ZNF827: variants seen among roughly 807,000 people sequenced by gnomAD.
ZNF827 encodes the protein zinc finger protein 827.
A neutral mutation model predicts 102.4 loss-of-function variants in ZNF827; 13 were observed. That is an observed-to-expected ratio of 0.13 (90% confidence interval 0.08 to 0.20). The LOEUF is 0.20. Ranked by LOEUF, ZNF827 falls within the 10% of genes least tolerant of loss-of-function variation. The pLI is 1.00. For missense variants in ZNF827, 1,103 were observed against 1,344.4 expected (o/e 0.82, Z 2.81); for synonymous variants, 523 against 536.2 (o/e 0.98, Z 0.34).
intron 1 of ZNF827, among the ~76,000 whole-genome samples, chr4:145,911,053 C>T (rs1752249276): frequency 1.3e-5 from 2 of 152,258 alleles, no homozygotes; most frequent in Admixed American, 6.5e-5. Context: ...ATAAAGGTAA[C>T]ATCTGTCAGT....
intron 1 of ZNF827, among the ~76,000 whole-genome samples, chr4:145,906,741 A>G (rs189749218): frequency 6.6e-6 from 1 of 152,346 alleles, no homozygotes; most frequent in East Asian, 1.9e-4. Flanking sequence ...CAAAATAAAC[A>G]AGTGAATAAA....
At chr4:145,887,945 A>G (rs1312948690) in intron 3 of ZNF827, among the ~76,000 whole-genome samples, 1 of 152,178 alleles carries the variant, frequency 6.6e-6, no homozygotes, top group East Asian at 1.9e-4. Context: ...CTGACCCAGG[A>G]GAGGAGGGGA....
intron 8 of ZNF827, among the ~76,000 whole-genome samples, chr4:145,805,835 A>G (rs1741376844): frequency 6.6e-6 from 1 of 151,834 alleles, no homozygotes; most frequent in Non-Finnish European, 1.5e-5. Context: ...CTCCCTTTAC[A>G]TGAACTTTCT....
chr4:145,835,914 C>G (rs1744790167), intron 7 of ZNF827, among the ~76,000 whole-genome samples: 1 of 151,612 alleles, frequency 6.6e-6, no homozygotes, highest in African/African-American at 2.4e-5. Flanking sequence ...ATTGTTTTGC[C>G]TATCCACCCC....
intron 5 of ZNF827, among the ~76,000 whole-genome samples, chr4:145,850,262 G>A (rs1048477469): frequency 3.9e-5 from 6 of 151,988 alleles, no homozygotes; most frequent in African/African-American, 1.5e-4. Context: ...TGCCCACTTC[G>A]GCCTCCAAAA....
rs559942657 is a variant in ZNF827 at position 145,837,391 on chromosome 4, C to T, written c.2279+8565G>A. 7.6e-3 allele frequency among the ~76,000 whole-genome samples: 1,156 copies of T among 152,232 alleles called. 9 individuals are homozygous for T. The highest frequency in any genetic ancestry group is 0.026 in the African/African-American group (1,083 of 41,506). ...CCTCAGAATGCTACAGGGTACAGCC[C>T]ATTTAAGCTCCTGTATAGACGCTCC... On this transcript the variant is annotated intron_variant, in intron 7 of 14. Coordinates refer to ENST00000508784, the MANE Select transcript of ZNF827 (RefSeq NM_001306215.2).
intron 5 of ZNF827, among the ~76,000 whole-genome samples, chr4:145,856,493 G>A (rs959186920): frequency 8.5e-5 from 13 of 152,160 alleles, no homozygotes; most frequent in African/African-American, 2.9e-4. Flanking sequence ...GGCGATGCAA[G>A]CCTGCTCCCA....
Position 145,843,309 on chromosome 4 carries a change from C to G in ZNF827, c.2279+2647G>C, listed in dbSNP as rs17020689. ...CTGATTTCTAAACACCATATCATGC[C>G]GGGAGCTCACAGGAAGAACCTCTTC... On this transcript the variant is annotated intron_variant, in intron 7 of 14. Coordinates refer to ENST00000508784, the MANE Select transcript of ZNF827 (RefSeq NM_001306215.2). Among the ~76,000 whole-genome samples the G allele has an allele frequency of 2.6e-5, 4 of 151,878 alleles. No individual in the cohort carries two copies. In the East Asian group the frequency reaches 7.7e-4, roughly 29 times the overall value.
At chr4:145,872,996 C>G (rs1022452809) in intron 4 of ZNF827, among the ~76,000 whole-genome samples, 1 of 140,898 alleles carries the variant, frequency 7.1e-6, no homozygotes, top group African/African-American at 2.7e-5. Flanking sequence ...AGTGCAGTGG[C>G]ACAATCTCGG....
intron 4 of ZNF827, among the ~76,000 whole-genome samples, chr4:145,874,009 TAAGA>T (rs1748932611): frequency 6.6e-6 from 1 of 150,540 alleles, no homozygotes; most frequent in Non-Finnish European, 1.5e-5. Context: ...AAGATGAAGC[TAAGA>T]AAGAGATGAA....
intron 7 of ZNF827, among the ~76,000 whole-genome samples, chr4:145,844,497 T>C (rs62345829): frequency 0.036 from 5,518 of 151,388 alleles, 153 homozygotes; most frequent in Non-Finnish European, 0.052. Context: ...CTGGGCAACA[T>C]GGCGAAACCC....
At chr4:145,782,516 T>C (rs1738236602) in intron 8 of ZNF827, among the ~76,000 whole-genome samples, 1 of 152,226 alleles carries the variant, frequency 6.6e-6, no homozygotes, top group Non-Finnish European at 1.5e-5. Flanking sequence ...CAGAAGCTGG[T>C]GATCTTATGC....
intron 1 of ZNF827, among the ~76,000 whole-genome samples, chr4:145,915,033 T>C (rs187341816): frequency 1.3e-5 from 2 of 152,316 alleles, no homozygotes; most frequent in Admixed American, 6.5e-5. Context: ...TACTACCTCA[T>C]GGTTCTGCAG....
At chr4:145,818,649 C>T (rs1742833814) in intron 8 of ZNF827, among the ~76,000 whole-genome samples, 1 of 152,100 alleles carries the variant, frequency 6.6e-6, no homozygotes, top group Non-Finnish European at 1.5e-5. Flanking sequence ...TAATATAATC[C>T]AAGATAGATT....
chr4:145,903,018 A>G lies in ZNF827; in HGVS notation c.241T>C (p.Leu81=). 5 of 1,614,130 alleles carry G rather than the reference A, an allele frequency of 3.1e-6. No homozygotes were observed. Among genetic ancestry groups the G allele is most frequent in the Non-Finnish European group, 4.2e-6 (5 of 1,180,000 alleles). ...LGSTTPSSHT[L]ELVALDSEVL... The stretch of plus-strand genomic sequence containing the variant: ...TCACTGTCCAGTGCCACCAGCTCCA[A>G]CGTGTGGCTGCTGGGAGTCGTGCTT... Residue 81 remains leucine (L), a synonymous_variant, in exon 2 of 15, where the codon TTG becomes CTG. Coordinates refer to ENST00000508784, the MANE Select transcript of ZNF827 (RefSeq NM_001306215.2).
chr4:145,819,551 C>G (rs949181307), intron 8 of ZNF827, among the ~76,000 whole-genome samples: 1 of 152,198 alleles, frequency 6.6e-6, no homozygotes, highest in Non-Finnish European at 1.5e-5. Context: ...TGATGTAAAT[C>G]TTGCACAAAG....
At chr4:145,835,975 C>T (rs1314438565) in intron 7 of ZNF827, among the ~76,000 whole-genome samples, 2 of 150,830 alleles carry the variant, frequency 1.3e-5, no homozygotes, top group Admixed American at 1.3e-4. Context: ...CCTCTACAAC[C>T]CATTAGTCTG....
At chr4:145,881,079 A>G (rs1749620694) in intron 4 of ZNF827, among the ~76,000 whole-genome samples, 1 of 152,232 alleles carries the variant, frequency 6.6e-6, no homozygotes, top group African/African-American at 2.4e-5. Context: ...TGTATTGTAA[A>G]TGCAGAGGCT....
intron 1 of ZNF827, among the ~76,000 whole-genome samples, chr4:145,909,498 C>T (rs1019957951): frequency 1.6e-4 from 24 of 152,188 alleles, no homozygotes; most frequent in African/African-American, 5.5e-4. Context: ...GGTTTTCACT[C>T]TCAATGACTT....
Sources: allele counts gnomAD v4.1 joint callset (sites outside exome capture counted in the v4.1 genomes callset), GRCh38; gene constraint gnomAD v4.1.1; transcripts MANE v1.5; gene names NCBI Gene and HGNC (gene_info 2026-07-23, HGNC 2026-07-21).